The following EVC2 variants were observed in gnomAD, a reference collection of about 807,000 sequenced individuals.
The protein encoded by EVC2 is limbin.
A neutral mutation model predicts 149.3 loss-of-function variants in EVC2; 148 were observed. That is an observed-to-expected ratio of 0.99 (90% CI 0.87 to 1.14). The LOEUF (loss-of-function observed/expected upper bound fraction) is 1.14, where lower values mean the gene tolerates loss of function less well. EVC2 is among the 50% of genes most tolerant of loss of function. The probability of loss-of-function intolerance (pLI) is 0.00; values close to 1 mark genes in which losing one functional copy is unlikely to be tolerated. For missense variants in EVC2, 1,854 were observed against 1,627.3 expected (o/e 1.14, Z -2.40); for synonymous variants, 776 against 649.9 (o/e 1.19, Z -2.95).
At chr4:5,616,037 G>T (rs1715222807) in intron 15 of EVC2, among the ~76,000 whole-genome samples, 1 of 152,240 alleles carries the variant, frequency 6.6e-6, no homozygotes, top group African/African-American at 2.4e-5. Context: ...CTGGGGCTGG[G>T]AGGGGATAGC....
upstream of EVC2, chr4:5,709,076 G>C (rs905273551): frequency 6.6e-6 from 1 of 152,506 alleles, no homozygotes; most frequent in African/African-American, 2.4e-5. Context: ...CACTGCCCGA[G>C]CCTGCTGTGG....
chr4:5,538,248 T>C (rs191578965), downstream of EVC2, among the ~76,000 whole-genome samples: 2 of 152,238 alleles, frequency 1.3e-5, no homozygotes, highest in South Asian at 2.1e-4. Flanking sequence ...AATGAATAAA[T>C]TCCTTAAAGT....
chr4:5,579,964 G>A (rs1398037692), intron 17 of EVC2, among the ~76,000 whole-genome samples: 3 of 152,226 alleles, frequency 2.0e-5, no homozygotes, highest in African/African-American at 7.2e-5. Context: ...TCTGTTAGGA[G>A]TAAGTCCACC....
rs112702820 is a variant in EVC2, at chr4:5,626,916, A to G, written c.1887-1008T>C. On this transcript the variant is annotated intron_variant, in intron 12 of 21. Coordinates refer to ENST00000344408, the MANE Select transcript of EVC2 (RefSeq NM_147127.5). The stretch of plus-strand genomic sequence containing the variant: ...TCTCAGGCCTTCAGATTTGGACTGA[A>G]TTATACCATTGGCTTTCCTGGGTCT... Among the ~76,000 whole-genome samples the G allele has an allele frequency of 9.9e-3, 1,514 of 152,262 alleles. 29 individuals are homozygous for G. Among genetic ancestry groups the G allele is most frequent in the African/African-American group, 0.03 (1,239 of 41,542 alleles).
At chr4:5,585,833 G>A (rs1309375881) in intron 16 of EVC2, among the ~76,000 whole-genome samples, 2 of 151,830 alleles carry the variant, frequency 1.3e-5, no homozygotes, top group Admixed American at 1.3e-4. Flanking sequence ...GAGTCATACG[G>A]TACATATTTT....
At chr4:5,601,987 T>A (rs1392798702) in intron 16 of EVC2, among the ~76,000 whole-genome samples, 2 of 152,154 alleles carry the variant, frequency 1.3e-5, no homozygotes, top group African/African-American at 2.4e-5. Flanking sequence ...AGAAGAGGAT[T>A]AATAAAGCTG....
At chr4:5,595,293 A>G (rs551219567) in intron 16 of EVC2, among the ~76,000 whole-genome samples, 1 of 152,228 alleles carries the variant, frequency 6.6e-6, no homozygotes, top group South Asian at 2.1e-4. Context: ...GAAATGAAGG[A>G]AAAAATGTTA....
intron 19 of EVC2, among the ~76,000 whole-genome samples, 177 bp downstream of exon 19, chr4:5,574,508 T>G (rs77671911): frequency 6.6e-6 from 1 of 152,242 alleles, no homozygotes; most frequent in Non-Finnish European, 1.5e-5. Context: ...CCATTAGCAC[T>G]GATTGAGCAC....
chr4:5,630,164 G>C (rs1199949984), intron 11 of EVC2, among the ~76,000 whole-genome samples: 1 of 152,180 alleles, frequency 6.6e-6, no homozygotes, highest in African/African-American at 2.4e-5. Context: ...TAAATGGAGG[G>C]GGGAGCTCGT....
At chr4:5,548,030 C>T (rs1326266819) in intron 21 of EVC2, among the ~76,000 whole-genome samples, 1 of 152,098 alleles carries the variant, frequency 6.6e-6, no homozygotes. Flanking sequence ...GGTGCCCACG[C>T]CGGCACCTGG....
chr4:5,563,021 G>C lies in EVC2; in HGVS notation c.3754C>G (p.Leu1252Val). ...PHLSLEPIGE[L>V]APVPIVGAET... ...GCCCCTACAATGGGTACAGGGGCCA[G>C]TTCGCCAATGGGCTCCAGTGACAGG... The change falls in exon 22 of 22, where the codon CTG becomes GTG. Residue 1252 changes from leucine to valine, a missense_variant. Physicochemically the swap from Leu to Val is conservative, Grantham distance 32. Coordinates refer to ENST00000344408, the MANE Select transcript of EVC2 (RefSeq NM_147127.5). 1 of 1,614,224 alleles carries C rather than the reference G, an allele frequency of 6.2e-7. No individual in the cohort carries two copies. The highest frequency in any genetic ancestry group is 8.5e-7 in the Non-Finnish European group (1 of 1,180,044).
At chr4:5,685,712 C>T (rs939874078) in intron 5 of EVC2, among the ~76,000 whole-genome samples, 1 of 152,328 alleles carries the variant, frequency 6.6e-6, no homozygotes, top group African/African-American at 2.4e-5. Context: ...CCTGGACTCC[C>T]ACTCCTGACG....
At chr4:5,610,374 C>T (rs1319179300) in intron 16 of EVC2, among the ~76,000 whole-genome samples, 2 of 152,158 alleles carry the variant, frequency 1.3e-5, no homozygotes, top group Non-Finnish European at 2.9e-5. Flanking sequence ...AATGCCATCA[C>T]ATTTTAGGAA....
intron 13 of EVC2, among the ~76,000 whole-genome samples, chr4:5,624,219 T>C (rs1326838269): frequency 1.3e-5 from 2 of 152,158 alleles, no homozygotes; most frequent in African/African-American, 4.8e-5. Context: ...AGATGTCCAT[T>C]ATGGTGTTCT....
chr4:5,541,096 T>A (rs1357357463), downstream of EVC2, among the ~76,000 whole-genome samples: 1 of 152,198 alleles, frequency 6.6e-6, no homozygotes, highest in African/African-American at 2.4e-5. Context: ...GAGTGTTAGG[T>A]GACTATAGTG....
chr4:5,556,441 G>C (rs563455600), intron 21 of EVC2, among the ~76,000 whole-genome samples: 1 of 151,868 alleles, frequency 6.6e-6, no homozygotes, highest in Non-Finnish European at 1.5e-5. Context: ...AGTTAAAGTA[G>C]TGCCTAAAGG....
Position 5,576,204 on chromosome 4 carries a change from C to G in EVC2, c.3272+36G>C. On this transcript the variant is annotated intron_variant, in intron 18 of 21. Coordinates refer to ENST00000344408, the MANE Select transcript of EVC2 (RefSeq NM_147127.5). This position sits in a 1 kb window ranked among gnomAD's most constrained non-coding sequence, Gnocchi z 4.5. ...CCAGGTTCTCCAGGACTGCTGGGGA[C>G]TAATATCTTTGAGTGCTACGGGGCA... is the stretch of plus-strand genomic sequence containing the variant. 1 of 1,613,982 alleles carries G rather than the reference C, an allele frequency of 6.2e-7. No individual in the cohort carries two copies. The highest frequency in any genetic ancestry group is 8.5e-7 in the Non-Finnish European group (1 of 1,180,032).
chr4:5,602,304 A>G (rs1212312264), intron 16 of EVC2, among the ~76,000 whole-genome samples: 2 of 150,168 alleles, frequency 1.3e-5, no homozygotes, highest in Non-Finnish European at 3.0e-5. Context: ...AAAAAAAAAA[A>G]AAAAAAAAAA....
chr4:5,570,503 T>C (rs555717086), intron 19 of EVC2, among the ~76,000 whole-genome samples: 1 of 152,236 alleles, frequency 6.6e-6, no homozygotes, highest in Non-Finnish European at 1.5e-5. Context: ...CAGACAGAAA[T>C]GGACCACAAA....
Sources: allele counts gnomAD v4.1 joint callset (sites outside exome capture counted in the v4.1 genomes callset), GRCh38; gene constraint gnomAD v4.1.1; non-coding constraint Gnocchi (gnomAD v3.1); transcripts MANE v1.5; gene names NCBI Gene and HGNC (gene_info 2026-07-23, HGNC 2026-07-21).